The following ACAD11 variants were observed in gnomAD, a reference collection of about 807,000 sequenced individuals.
ACAD11 encodes the protein acyl-Coenzyme A dehydrogenase family, member 11.
ACAD11 carries 83 observed loss-of-function variants against 102.2 expected under a neutral mutation model. That is an observed-to-expected ratio of 0.81 (90% confidence interval 0.68 to 0.97). ACAD11 has a LOEUF of 0.97. Ranked by LOEUF, ACAD11 falls within the 50% of genes least tolerant of loss-of-function variation. The pLI is 0.00. For missense variants in ACAD11, 901 were observed against 951.7 expected (o/e 0.95, Z 0.70); for synonymous variants, 324 against 319.8 (o/e 1.01, Z -0.14).
At chr3:132,588,845 T>C (rs1937959757) in intron 13 of ACAD11, among the ~76,000 whole-genome samples, 1 of 152,222 alleles carries the variant, frequency 6.6e-6, no homozygotes, top group South Asian at 2.1e-4. Context: ...TTGTTTATCA[T>C]TGTTTATATT....
chr3:132,621,923 G>C (rs955277482), intron 9 of ACAD11, among the ~76,000 whole-genome samples: 1 of 148,520 alleles, frequency 6.7e-6, no homozygotes, highest in Non-Finnish European at 1.5e-5. Flanking sequence ...AGGTTGCAGT[G>C]AGCCGAGATT....
intron 1 of ACAD11, among the ~76,000 whole-genome samples, chr3:132,646,880 G>T (rs1380779051): frequency 1.3e-5 from 2 of 152,134 alleles, no homozygotes; most frequent in Non-Finnish European, 2.9e-5. Context: ...TCTATGAAAT[G>T]TCCAGGATAG....
intron 11 of ACAD11, among the ~76,000 whole-genome samples, chr3:132,613,739 A>G (rs973153751): frequency 1.2e-4 from 18 of 151,928 alleles, no homozygotes; most frequent in African/African-American, 4.4e-4. Context: ...TCTCTACTAA[A>G]AGTACAAAAA....
At chr3:132,615,495 A>G (rs1939368932) in intron 11 of ACAD11, among the ~76,000 whole-genome samples, 1 of 152,258 alleles carries the variant, frequency 6.6e-6, no homozygotes, top group Admixed American at 6.5e-5. Flanking sequence ...CTATGCAGCC[A>G]TAAAAAAGGG....
intron 17 of ACAD11, among the ~76,000 whole-genome samples, chr3:132,571,295 T>C (rs1937367830): frequency 6.6e-6 from 1 of 152,078 alleles, no homozygotes; most frequent in Admixed American, 6.5e-5. Flanking sequence ...GCCACATGTC[T>C]GTCTTCTTTT....
At position 132,644,902 on chromosome 3, in the gene ACAD11, T is replaced by C. The variant is rs1274870586; in HGVS notation, c.150-6A>G. 2 of 1,544,328 alleles carry C rather than the reference T, an allele frequency of 1.3e-6. No individual in the cohort carries two copies. Among genetic ancestry groups the C allele is most frequent in the Non-Finnish European group, 1.8e-6 (2 of 1,136,284 alleles). ...TTGGATTGGACTTTCCTGCTCTAGATAAAAGTAAAAAAAAAAAAGGTCAAT... is the reference window on the plus strand; with the variant it reads ...TTGGATTGGACTTTCCTGCTCTAGACAAAAGTAAAAAAAAAAAAGGTCAAT... On this transcript the variant is annotated splice_polypyrimidine_tract_variant and splice_region_variant and intron_variant, in intron 1 of 19. Coordinates refer to ENST00000264990, the MANE Select transcript of ACAD11 (RefSeq NM_032169.5).
At chr3:132,593,671 A>C (rs1332262838) in intron 13 of ACAD11, among the ~76,000 whole-genome samples, 1 of 152,232 alleles carries the variant, frequency 6.6e-6, no homozygotes, top group Non-Finnish European at 1.5e-5. Context: ...TTTGTTGGCC[A>C]GGATGGGTGG....
At chr3:132,652,285 T>C (rs1940957145) in intron 1 of ACAD11, among the ~76,000 whole-genome samples, 2 of 152,300 alleles carry the variant, frequency 1.3e-5, no homozygotes, top group South Asian at 2.1e-4. Context: ...ATGTAAGACA[T>C]CCCTTTGCTT....
intron 9 of ACAD11, chr3:132,621,222 G>C (rs1251774800): frequency 2.0e-5 from 3 of 152,164 alleles, no homozygotes; most frequent in African/African-American, 7.2e-5. Context: ...GAACATTAAA[G>C]AGAAAGAAAA....
intron 1 of ACAD11, among the ~76,000 whole-genome samples, chr3:132,649,506 T>A (rs1266502215): frequency 6.6e-6 from 1 of 152,232 alleles, no homozygotes; most frequent in Non-Finnish European, 1.5e-5. Context: ...TTGAACTTAT[T>A]TGTGACACAG....
chr3:132,619,282 C>T (rs1939522033), intron 10 of ACAD11, among the ~76,000 whole-genome samples, 186 bp downstream of exon 10: 1 of 152,046 alleles, frequency 6.6e-6, no homozygotes, highest in South Asian at 2.1e-4. Flanking sequence ...TTCATTACTA[C>T]CATATATAGA....
chr3:132,582,071 GTAGA>G (rs2107797355), intron 13 of ACAD11, among the ~76,000 whole-genome samples: 1 of 152,064 alleles, frequency 6.6e-6, no homozygotes, highest in South Asian at 2.1e-4. Context: ...TTATATTAAA[GTAGA>G]GCTTGAATAG....
chr3:132,616,736 G>A (rs1939421737), intron 11 of ACAD11, among the ~76,000 whole-genome samples: 1 of 152,168 alleles, frequency 6.6e-6, no homozygotes, highest in Non-Finnish European at 1.5e-5. Flanking sequence ...ACAAAATCAT[G>A]CTACCTTTGT....
chr3:132,606,144 C>T (rs973691921), intron 11 of ACAD11, among the ~76,000 whole-genome samples: 1 of 152,198 alleles, frequency 6.6e-6, no homozygotes, highest in African/African-American at 2.4e-5. Context: ...TTTGAGAAAA[C>T]AATTTTCATA....
intron 13 of ACAD11, among the ~76,000 whole-genome samples, chr3:132,587,822 G>A (rs1331211376): frequency 6.6e-6 from 1 of 152,164 alleles, no homozygotes; most frequent in Non-Finnish European, 1.5e-5. Context: ...TTTCAGCGTA[G>A]TTCTTATTAT....
chr3:132,647,870 G>A (rs568823710), intron 1 of ACAD11, among the ~76,000 whole-genome samples: 29 of 152,132 alleles, frequency 1.9e-4, no homozygotes, highest in Non-Finnish European at 4.0e-4. Context: ...TTCAGTGTCT[G>A]GTGAGGACCC....
chr3:132,581,598 G>A (rs989049168), intron 13 of ACAD11, among the ~76,000 whole-genome samples: 1 of 151,858 alleles, frequency 6.6e-6, no homozygotes, highest in Non-Finnish European at 1.5e-5. Flanking sequence ...AGGGGAAGGA[G>A]ATATTATAAA....
At chr3:132,640,236 C>T (rs1940437312) in intron 4 of ACAD11, among the ~76,000 whole-genome samples, 2 of 151,924 alleles carry the variant, frequency 1.3e-5, no homozygotes, top group Admixed American at 1.3e-4. Flanking sequence ...ATTACAGATG[C>T]ATACCACCAC....
intron 17 of ACAD11, among the ~76,000 whole-genome samples, chr3:132,571,200 T>TAC: frequency 6.6e-6 from 1 of 152,206 alleles, no homozygotes; most frequent in East Asian, 1.9e-4. Context: ...CTGACTAGTG[T>TAC]TAGATAGTAT....
Sources: allele counts gnomAD v4.1 joint callset (sites outside exome capture counted in the v4.1 genomes callset), GRCh38; gene constraint gnomAD v4.1.1; transcripts MANE v1.5; gene names NCBI Gene and HGNC (gene_info 2026-07-23, HGNC 2026-07-21).